Variants in AKIRIN1 observed in about 807,000 individuals in gnomAD.
The protein encoded by AKIRIN1 is akirin 1.
In AKIRIN1, 4 loss-of-function variants were observed where a neutral mutation model predicts 25.9. The ratio of observed to expected loss-of-function variants is 0.15; its 90% CI spans 0.08 to 0.35. AKIRIN1 has a LOEUF of 0.35. Ranked by LOEUF, AKIRIN1 falls within the 10% of genes least tolerant of loss-of-function variation. The pLI is 1.00. For missense variants in AKIRIN1, 243 were observed against 266.1 expected (o/e 0.91, Z 0.61); for synonymous variants, 125 against 105.1 (o/e 1.19, Z -1.16).
chr1:38,995,384 A>G (rs766444675), intron 1 of AKIRIN1, among the ~76,000 whole-genome samples: 40 of 152,216 alleles, frequency 2.6e-4, no homozygotes, highest in Non-Finnish European at 3.4e-4. Context: ...ACCGGAAAAA[A>G]TCTGGCAGCA....
At chr1:38,992,336 C>T (rs565215627) in intron 1 of AKIRIN1, among the ~76,000 whole-genome samples, 1 of 152,188 alleles carries the variant, frequency 6.6e-6, no homozygotes, top group South Asian at 2.1e-4. Context: ...AAAGGACTGG[C>T]GTTACAGTAG....
rs2148062870 is a variant in AKIRIN1 at position 38,991,488 on chromosome 1, G to A, written c.108G>A (p.Pro36=). The A allele has an allele frequency of 2.8e-6, 4 of 1,444,876 alleles. No homozygotes were observed. The highest frequency in any genetic ancestry group is 3.0e-5 in the East Asian group (1 of 33,188). The allele number at this position is 1,444,876 out of a possible 1,614,324, so 89.5% of individuals were successfully genotyped here. Residue 36 remains proline (P), a synonymous_variant, in exon 1 of 5, where the codon CCG becomes CCA. Coordinates refer to ENST00000432648, the MANE Select transcript of AKIRIN1 (RefSeq NM_024595.3). The part of the protein sequence containing the change: ...RRCAPLPGPT[P]GLRPPDAEPP... ...GCGCCCCTCTGCCCGGCCCCACTCC[G>A]GGCCTCAGGCCCCCGGACGCCGAGC...
At chr1:39,002,714 A>G (rs1644003505) in intron 3 of AKIRIN1, among the ~76,000 whole-genome samples, 1 of 151,854 alleles carries the variant, frequency 6.6e-6, no homozygotes, top group African/African-American at 2.4e-5. Context: ...TGGGTGACAG[A>G]GTGAGACTCC....
chr1:38,995,530 C>T (rs986712668), intron 1 of AKIRIN1, among the ~76,000 whole-genome samples: 1 of 152,176 alleles, frequency 6.6e-6, no homozygotes, highest in Non-Finnish European at 1.5e-5. Context: ...TTATTTTTCT[C>T]CCATGGATAC....
At chr1:38,998,525 C>T (rs1436691720) in intron 2 of AKIRIN1, among the ~76,000 whole-genome samples, 2 of 152,130 alleles carry the variant, frequency 1.3e-5, no homozygotes, top group Non-Finnish European at 2.9e-5. Context: ...GAATATCTTC[C>T]TGTATAACTG....
chr1:38,993,103 A>G (rs947994443), intron 1 of AKIRIN1, among the ~76,000 whole-genome samples: 4 of 152,218 alleles, frequency 2.6e-5, no homozygotes, highest in African/African-American at 7.2e-5. Flanking sequence ...TGGAGTTCAT[A>G]CTTGCGCTAT....
At chr1:39,003,541 A>G (rs1644010645) in intron 4 of AKIRIN1, 123 bp downstream of exon 4, 1 of 857,744 alleles carries the variant, frequency 1.2e-6, no homozygotes, top group African/African-American at 1.7e-5. Context: ...CTATGCTAAG[A>G]GTATTAAATC....
rs1644015096 is a variant in AKIRIN1, at chr1:39,004,091, CAA to C, written c.*37_*38del. The stretch of plus-strand genomic sequence containing the variant: ...CATATCTGGGTACCAGGTTTGACCT[CAA>C]GAGATGGCTGCTGTACACTTTTTGC... On this transcript the variant is annotated 3_prime_UTR_variant, in exon 5 of 5. Coordinates refer to ENST00000432648, the MANE Select transcript of AKIRIN1 (RefSeq NM_024595.3). 4 of 1,602,226 alleles carry C rather than the reference CAA, an allele frequency of 2.5e-6. No individual in the cohort carries two copies. The highest frequency in any genetic ancestry group is 2.2e-5 in the East Asian group (1 of 44,808).
Position 39,005,323 on chromosome 1 carries a change from A to AAGC in AKIRIN1, c.*1268_*1269insAGC. On this transcript the variant is annotated 3_prime_UTR_variant, in exon 5 of 5. Coordinates refer to ENST00000432648, the MANE Select transcript of AKIRIN1 (RefSeq NM_024595.3). Reference sequence around the variant, plus strand: ...ACTTCGTCTCAAAAAAAAAAAAAAAACATAGAATTTGGATCCTTTGGTCGG... The same window carrying AAGC: ...ACTTCGTCTCAAAAAAAAAAAAAAAAAGCCATAGAATTTGGATCCTTTGGTCGG... 6.8e-6 allele frequency: 1 copy of AAGC among 147,976 alleles called. No homozygotes were observed. The highest frequency in any genetic ancestry group is 2.1e-4 in the South Asian group (1 of 4,750). 9.2% of individuals were successfully genotyped at this position (147,976 alleles called of 1,614,324 possible).
At chr1:38,996,474 A>G (rs1643948961) in intron 1 of AKIRIN1, among the ~76,000 whole-genome samples, 1 of 151,232 alleles carries the variant, frequency 6.6e-6, no homozygotes, top group Non-Finnish European at 1.5e-5. Flanking sequence ...AAAGTGCTGG[A>G]TTACAGGCAT....
At chr1:38,992,534 T>C (rs914277508) in intron 1 of AKIRIN1, among the ~76,000 whole-genome samples, 1 of 152,012 alleles carries the variant, frequency 6.6e-6, no homozygotes, top group African/African-American at 2.4e-5. Flanking sequence ...TTTCCACCCC[T>C]TTTCAGTAGC....
chr1:38,995,008 T>A (rs1464816671), intron 1 of AKIRIN1, among the ~76,000 whole-genome samples: 15 of 151,982 alleles, frequency 9.9e-5, no homozygotes, highest in Admixed American at 9.8e-4. Flanking sequence ...TTTGTATTTT[T>A]TTTGTCAAGA....
chr1:38,997,598 T>G (rs1396533248), intron 1 of AKIRIN1, among the ~76,000 whole-genome samples: 1 of 152,050 alleles, frequency 6.6e-6, no homozygotes, highest in East Asian at 1.9e-4. Flanking sequence ...GCTCAAGGGA[T>G]CCTCCCGCCT....
rs748292684 is a variant in AKIRIN1, at chr1:39,001,023, G to A, written c.413G>A (p.Gly138Asp). 1 of 1,613,784 alleles carries A rather than the reference G, an allele frequency of 6.2e-7. No homozygotes were observed. Among genetic ancestry groups the A allele is most frequent in the South Asian group, 1.1e-5 (1 of 91,056 alleles). The change falls in exon 3 of 5, where the codon GGC (glycine) becomes GAC (aspartate). Residue 138 changes from glycine (G) to aspartate (D), a missense_variant. Gly to Asp is a moderately conservative substitution (Grantham distance 94, BLOSUM62 -1). Around this residue, in one of 3 missense-constraint regions of AKIRIN1, gnomAD observed 190 missense variants for 174.4 expected, o/e 1.09. Coordinates refer to ENST00000432648, the MANE Select transcript of AKIRIN1 (RefSeq NM_024595.3). The stretch of plus-strand genomic sequence containing the variant: ...CCCACATTTACCCTCCGACAAGTTG[G>A]CATAATATGTGAGCGCCTCTTAAAA... Reference protein sequence around the residue: ...DQPTFTLRQVGIICERLLKDY... With the variant: ...DQPTFTLRQVDIICERLLKDY...
chr1:38,993,597 C>G (rs1294736877), intron 1 of AKIRIN1, among the ~76,000 whole-genome samples: 2 of 149,072 alleles, frequency 1.3e-5, no homozygotes, highest in South Asian at 4.2e-4. Flanking sequence ...CACCATTGCG[C>G]TCCAGCCTGG....
Position 38,991,284 on chromosome 1 carries a change from C to T in AKIRIN1, c.-97C>T. On this transcript the variant is annotated 5_prime_UTR_variant, in exon 1 of 5. Coordinates refer to ENST00000432648, the MANE Select transcript of AKIRIN1 (RefSeq NM_024595.3). The stretch of plus-strand genomic sequence containing the variant: ...CAGCGCCGCTGCCGGGTGCTGGAGG[C>T]GCCATTGGAGCCGGCTTGGCTGGCG... 1 of 1,084,904 alleles carries T rather than the reference C, an allele frequency of 9.2e-7. No individual in the cohort carries two copies. The highest frequency in any genetic ancestry group is 1.2e-6 in the Non-Finnish European group (1 of 830,212). 67.2% of individuals were successfully genotyped at this position (1,084,904 alleles called of 1,614,324 possible). A position where few individuals can be genotyped will look rare whatever the true frequency, so the allele number is the denominator to read the frequency against.
At position 38,991,278 on chromosome 1, in the gene AKIRIN1, T is replaced by C. The variant is rs1643902211; in HGVS notation, c.-103T>C. 5 of 1,038,416 alleles carry C rather than the reference T, an allele frequency of 4.8e-6. No individual in the cohort carries two copies. The highest frequency in any genetic ancestry group is 6.3e-6 in the Non-Finnish European group (5 of 788,320). The allele number at this position is 1,038,416 out of a possible 1,614,324, so 64.3% of individuals were successfully genotyped here. A position where few individuals can be genotyped will look rare whatever the true frequency, so the allele number is the denominator to read the frequency against. On this transcript the variant is annotated 5_prime_UTR_variant, in exon 1 of 5. Transcript: ENST00000432648. ...CGGGGCCAGCGCCGCTGCCGGGTGCTGGAGGCGCCATTGGAGCCGGCTTGG... is the reference window on the plus strand; with the variant it reads ...CGGGGCCAGCGCCGCTGCCGGGTGCCGGAGGCGCCATTGGAGCCGGCTTGG...
intron 2 of AKIRIN1, among the ~76,000 whole-genome samples, chr1:38,998,635 G>A (rs569275194): frequency 6.6e-6 from 1 of 152,202 alleles, no homozygotes; most frequent in Admixed American, 6.6e-5. Flanking sequence ...CGGCTGAGGT[G>A]GCTCATGCCT....
At position 38,991,346 on chromosome 1, in the gene AKIRIN1, C is replaced by T; in HGVS notation, c.-35C>T. On this transcript the variant is annotated 5_prime_UTR_variant, in exon 1 of 5. Transcript: ENST00000432648. ...GGAGCCTCTTGGGCCGCACTTACCG[C>T]CGCGTCCGCTCCCGGTCCCTGGCCC... The T allele has an allele frequency of 1.5e-6, 2 of 1,333,704 alleles. No homozygotes were observed. The highest frequency in any genetic ancestry group is 1.9e-6 in the Non-Finnish European group (2 of 1,043,954). 82.6% of individuals were successfully genotyped at this position (1,333,704 alleles called of 1,614,324 possible).
Sources: gnomAD v4.1 joint callset for allele counts (sites outside exome capture counted in the v4.1 genomes callset) on GRCh38, gnomAD v4.1.1 for gene constraint, gnomAD v4.1.1 regional missense constraint, MANE v1.5 for transcripts, NCBI Gene and HGNC (gene_info 2026-07-23, HGNC 2026-07-21) for gene names.